Variants in ADGRL3 observed in about 807,000 individuals in gnomAD.
ADGRL3 encodes calcium-independent alpha-latrotoxin receptor 3.
Under a neutral mutation model 153.5 loss-of-function variants are expected in ADGRL3, and 62 were observed. The observed-to-expected ratio is 0.40, with a 90% CI of 0.33 to 0.50. The LOEUF is 0.50. Ranked by LOEUF, ADGRL3 falls within the 20% of genes least tolerant of loss-of-function variation. The pLI, the probability that ADGRL3 is intolerant of heterozygous loss-of-function variation, is 0.47. For synonymous variants in ADGRL3, 710 were observed against 672.5 expected, an observed-to-expected ratio of 1.06 and a Z score of -0.86; for missense variants, 1,641 against 1,859.4, an observed-to-expected ratio of 0.88 and a Z score of 2.16.
At chr4:61,889,108 T>G (rs2098555275) in intron 9 of ADGRL3, among the ~76,000 whole-genome samples, 1 of 152,190 alleles carries the variant, frequency 6.6e-6, no homozygotes, top group Non-Finnish European at 1.5e-5. Flanking sequence ...CTACCTTTAC[T>G]GAGAGCTCAT....
chr4:61,728,450 G>C (rs557552397), intron 6 of ADGRL3, among the ~76,000 whole-genome samples: 1 of 152,156 alleles, frequency 6.6e-6, no homozygotes, highest in East Asian at 1.9e-4. Flanking sequence ...GATAATATTT[G>C]AAGAATATAA....
At chr4:61,222,015 G>T (rs1158444887) in intron 1 of ADGRL3, among the ~76,000 whole-genome samples, 2 of 151,978 alleles carry the variant, frequency 1.3e-5, no homozygotes, top group African/African-American at 4.8e-5. Context: ...AACCATAATT[G>T]CAGGAAAGCC....
intron 4 of ADGRL3, among the ~76,000 whole-genome samples, chr4:61,523,780 T>A (rs548798066): frequency 6.6e-6 from 1 of 152,236 alleles, no homozygotes; most frequent in African/African-American, 2.4e-5. Flanking sequence ...TCCAGAATAG[T>A]ATAAGCTCAG....
chr4:61,776,122 G>A (rs989707908), intron 8 of ADGRL3, among the ~76,000 whole-genome samples: 1 of 151,924 alleles, frequency 6.6e-6, no homozygotes, highest in South Asian at 2.1e-4. Context: ...GGATGATCTC[G>A]ATCTCCTGAC....
chr4:61,787,046 T>C (rs2097284661), intron 8 of ADGRL3, among the ~76,000 whole-genome samples: 1 of 152,130 alleles, frequency 6.6e-6, no homozygotes, highest in South Asian at 2.1e-4. Flanking sequence ...TTAAAACACA[T>C]TTGTTAGACA....
intron 1 of ADGRL3, among the ~76,000 whole-genome samples, chr4:61,226,555 A>T (rs190080611): frequency 1.3e-5 from 2 of 152,274 alleles, no homozygotes; most frequent in East Asian, 1.9e-4. Flanking sequence ...TCATTTTATG[A>T]TATTTTTCAG....
chr4:61,213,263 A>G (rs1343070493), intron 1 of ADGRL3, among the ~76,000 whole-genome samples: 1 of 152,078 alleles, frequency 6.6e-6, no homozygotes, highest in African/African-American at 2.4e-5. Flanking sequence ...TTATTTTAGC[A>G]GTCCTTCTAT....
rs146752923 is a variant in ADGRL3, at chr4:61,611,374, A to G, written c.473+23934A>G. Among the ~76,000 whole-genome samples the G allele has an allele frequency of 1.2e-4, 18 of 152,270 alleles. No individual in the cohort carries two copies. The East Asian group carries it at 3.5e-3, about 30-fold the overall frequency. On this transcript the variant is annotated intron_variant, in intron 5 of 26. Coordinates refer to ENST00000683033, the MANE Select transcript of ADGRL3 (RefSeq NM_001387552.1). ...GTGCTGGCCTATATAGTTTCCAGTG[A>G]GCAGCCACTTCTCACATGCAGAAAT...
At position 61,873,574 on chromosome 4, in the gene ADGRL3, G is replaced by A. The variant is rs374372415; in HGVS notation, c.1481-19082G>A. ...TATTTCTGAAAGCCATCCAGTTTCC[G>A]TTTATTTACAACCTTTGAGCCATTT... is the stretch of plus-strand genomic sequence containing the variant. On this transcript the variant is annotated intron_variant, in intron 9 of 26. Transcript: ENST00000683033. 4.2e-4 allele frequency among the ~76,000 whole-genome samples: 64 copies of A among 152,160 alleles called. 1 individual carries two copies. The highest frequency in any genetic ancestry group is 1.3e-3 in the African/African-American group (55 of 41,520).
intron 2 of ADGRL3, among the ~76,000 whole-genome samples, chr4:61,439,066 A>C (rs576039485): frequency 6.6e-6 from 1 of 152,152 alleles, no homozygotes; most frequent in South Asian, 2.1e-4. Context: ...CAGAAAAAAA[A>C]GATACTGAGC....
chr4:61,428,851 C>CTATCTA (rs1342510314), intron 2 of ADGRL3, among the ~76,000 whole-genome samples: 9 of 110,876 alleles, frequency 8.1e-5, no homozygotes, highest in Non-Finnish European at 1.6e-4. Flanking sequence ...ATCTATCTAT[C>CTATCTA]TATCTATCTA....
intron 2 of ADGRL3, among the ~76,000 whole-genome samples, chr4:61,392,708 A>AAAAAAAAAAAAAAAAAAAAGT (rs1560565678): frequency 1.1e-5 from 1 of 92,740 alleles, no homozygotes; most frequent in Non-Finnish European, 2.4e-5. Context: ...AAAAAAAAAG[A>AAAAAAAAAAAAAAAAAAAAGT]AAAAGGAAAA....
At chr4:62,032,932 T>G (rs961186639) in intron 23 of ADGRL3, among the ~76,000 whole-genome samples, 1 of 151,652 alleles carries the variant, frequency 6.6e-6, no homozygotes, top group Non-Finnish European at 1.5e-5. Context: ...TCATTAGAAT[T>G]CTTAAAAAGA....
intron 1 of ADGRL3, among the ~76,000 whole-genome samples, chr4:61,312,140 A>G (rs2095039770): frequency 6.6e-6 from 1 of 152,228 alleles, no homozygotes; most frequent in African/African-American, 2.4e-5. Context: ...GATCATTGAC[A>G]AAAGTGCAAA....
chr4:61,485,074 G>GT (rs576942313), intron 2 of ADGRL3, among the ~76,000 whole-genome samples: 91 of 152,252 alleles, frequency 6.0e-4, no homozygotes, highest in Non-Finnish European at 1.1e-3. Flanking sequence ...TCCCTTGGCA[G>GT]TAATTGTCCC....
intron 1 of ADGRL3, among the ~76,000 whole-genome samples, chr4:61,376,895 G>T (rs1216733832): frequency 1.3e-5 from 2 of 152,126 alleles, no homozygotes; most frequent in African/African-American, 4.8e-5. Context: ...GGCTATGGAA[G>T]CTGTGGGAGC....
chr4:61,319,332 C>T (rs1269075513), intron 1 of ADGRL3, among the ~76,000 whole-genome samples: 1 of 152,184 alleles, frequency 6.6e-6, no homozygotes, highest in African/African-American at 2.4e-5. Context: ...AAAATATCTT[C>T]ACATCAGCAT....
chr4:61,963,264 T>G lies in ADGRL3; in HGVS notation c.2805+14988T>G, dbSNP rs565876545. 9.2e-5 allele frequency among the ~76,000 whole-genome samples: 14 copies of G among 152,160 alleles called. No individual in the cohort carries two copies. The East Asian group carries it at 2.7e-3, about 29-fold the overall frequency. On this transcript the variant is annotated intron_variant, in intron 17 of 26. Transcript: ENST00000683033. ...TACTATGACTATTTTTTTTTTCCTTTCCAACTTTCATTTTAGGTTCAGGGG... is the reference window on the plus strand; with the variant it reads ...TACTATGACTATTTTTTTTTTCCTTGCCAACTTTCATTTTAGGTTCAGGGG...
At chr4:61,282,079 A>G (rs2093743836) in intron 1 of ADGRL3, among the ~76,000 whole-genome samples, 1 of 152,052 alleles carries the variant, frequency 6.6e-6, no homozygotes, top group Non-Finnish European at 1.5e-5. Context: ...GCTAATAGGG[A>G]ATATTGTCAT....
Sources: allele counts gnomAD v4.1 joint callset (sites outside exome capture counted in the v4.1 genomes callset), GRCh38; gene constraint gnomAD v4.1.1; transcripts MANE v1.5; gene names NCBI Gene and HGNC (gene_info 2026-07-23, HGNC 2026-07-21).